The following TSC1 variants were observed in gnomAD, a reference collection of about 807,000 sequenced individuals.
TSC1 encodes the protein hamartin.
Under a neutral mutation model 124.3 loss-of-function variants are expected in TSC1, and 20 were observed. The observed-to-expected ratio is 0.16, with a 90% CI of 0.11 to 0.23. The LOEUF is 0.23. Among genes scored for constraint, TSC1 ranks in the 10% least tolerant of loss-of-function variants. The pLI, the probability that TSC1 is intolerant of heterozygous loss-of-function variation, is 1.00. For synonymous variants in TSC1, 493 were observed against 539.1 expected, an observed-to-expected ratio of 0.91 and a Z score of 1.19; for missense variants, 1,124 against 1,448.5, an observed-to-expected ratio of 0.78 and a Z score of 3.64.
chr9:132,896,180 C>CA lies in TSC1; in HGVS notation c.*54dup. 1.2e-6 allele frequency: 2 copies of CA among 1,612,012 alleles called. No homozygotes were observed. The highest frequency in any genetic ancestry group is 2.2e-5 in the South Asian group (2 of 90,946). On this transcript the variant is annotated 3_prime_UTR_variant, in exon 23 of 23. Transcript: ENST00000298552. The surrounding 1 kb of genome is among the most constrained non-coding windows in gnomAD (Gnocchi z 4.5). ...AGGAAAGCTTTGAAACGTGCATTCA[C>CA]ACCTCCTGTTCTGTGCCAACAATAT...
At chr9:132,934,789 G>T (rs1050067222) in intron 2 of TSC1, among the ~76,000 whole-genome samples, 6 of 152,210 alleles carry the variant, frequency 3.9e-5, no homozygotes, top group African/African-American at 1.2e-4. Context: ...CCTGTAAAAT[G>T]GGGAAACACC....
intron 5 of TSC1, among the ~76,000 whole-genome samples, chr9:132,925,274 T>C (rs1051659674): frequency 6.6e-6 from 1 of 152,194 alleles, no homozygotes; most frequent in Non-Finnish European, 1.5e-5. Context: ...TCCCAAAAGA[T>C]AATCCAGGAT....
intron 8 of TSC1, among the ~76,000 whole-genome samples, chr9:132,914,837 C>G (rs1311944724): frequency 6.6e-6 from 1 of 151,882 alleles, no homozygotes; most frequent in Admixed American, 6.6e-5. Context: ...CCACTGCACT[C>G]CAGCCTGAGC....
At chr9:132,938,470 T>C (rs1281823167) in intron 1 of TSC1, among the ~76,000 whole-genome samples, 1 of 152,256 alleles carries the variant, frequency 6.6e-6, no homozygotes, top group African/African-American at 2.4e-5. Context: ...TCTTTCTGAA[T>C]AAAATGTAGG....
Position 132,896,113 on chromosome 9 carries a change from G to T in TSC1, c.*122C>A. On this transcript the variant is annotated 3_prime_UTR_variant, in exon 23 of 23. Coordinates refer to ENST00000298552, the MANE Select transcript of TSC1 (RefSeq NM_000368.5). The surrounding 1 kb of genome is among the most constrained non-coding windows in gnomAD (Gnocchi z 4.5). ...TCAGTCAGCTGTCCAAAGGACCTCC[G>T]TCCCATTTCCACACATGAACTTGCA... is the stretch of plus-strand genomic sequence containing the variant. 2 of 1,455,432 alleles carry T rather than the reference G, an allele frequency of 1.4e-6. No individual in the cohort carries two copies. The highest frequency in any genetic ancestry group is 1.7e-5 in the Admixed American group (1 of 59,602). 90.2% of individuals were successfully genotyped at this position (1,455,432 alleles called of 1,614,324 possible). A position where few individuals can be genotyped will look rare whatever the true frequency, so the allele number is the denominator to read the frequency against.
In TSC1 at chr9:132,923,727, C is replaced by T; in HGVS notation, c.364-235G>A. The T allele has an allele frequency of 1.8e-6, 1 of 567,516 alleles. No homozygotes were observed. Among genetic ancestry groups the T allele is most frequent in the Non-Finnish European group, 3.1e-6 (1 of 323,748 alleles). The allele number at this position is 567,516 out of a possible 1,614,324, so 35.2% of individuals were successfully genotyped here. A position where few individuals can be genotyped will look rare whatever the true frequency, so the allele number is the denominator to read the frequency against. Reference sequence around the variant, plus strand: ...TCAGTGAGGACCATTTACAACACACCTATGCAAAGGCATCCGGGAGACGAG... The same window carrying T: ...TCAGTGAGGACCATTTACAACACACTTATGCAAAGGCATCCGGGAGACGAG... On this transcript the variant is annotated intron_variant, in intron 5 of 22. Transcript: ENST00000298552. The surrounding 1 kb of genome is among the most constrained non-coding windows in gnomAD (Gnocchi z 4.2).
At chr9:132,935,828 G>C (rs1847429625) in intron 1 of TSC1, among the ~76,000 whole-genome samples, 1 of 152,154 alleles carries the variant, frequency 6.6e-6, no homozygotes, top group South Asian at 2.1e-4. Flanking sequence ...TAAAATCTCA[G>C]CTTAAATGCT....
intron 20 of TSC1, chr9:132,900,465 T>C (rs1019403146): frequency 2.7e-4 from 138 of 510,324 alleles, no homozygotes; most frequent in African/African-American, 2.4e-3. Context: ...GGAAACACTT[T>C]ACACCTACTC....
chr9:132,898,156 G>A (rs1396571164), intron 20 of TSC1, among the ~76,000 whole-genome samples: 1 of 152,176 alleles, frequency 6.6e-6, no homozygotes, highest in African/African-American at 2.4e-5. Context: ...TGACAATAGC[G>A]CAGGTGAGGC....
intron 2 of TSC1, among the ~76,000 whole-genome samples, chr9:132,930,962 A>G (rs547218959): frequency 2.0e-5 from 3 of 152,348 alleles, no homozygotes; most frequent in African/African-American, 4.8e-5. Flanking sequence ...TTAGTATGGT[A>G]TCAGGTACAT....
In TSC1 at chr9:132,895,429, A is replaced by G. The variant is rs191614777; in HGVS notation, c.*806T>C. The G allele has an allele frequency of 3.3e-4, 76 of 233,556 alleles. No homozygotes were observed. The East Asian group carries it at 4.5e-3, about 14-fold the overall frequency. 14.5% of individuals were successfully genotyped at this position (233,556 alleles called of 1,614,324 possible). Reference sequence around the variant, plus strand: ...TCCCAGTGACTGCTCCTTCCCTCCTATGGAGAACAGGTTTTACCACCTACA... The same window carrying G: ...TCCCAGTGACTGCTCCTTCCCTCCTGTGGAGAACAGGTTTTACCACCTACA... On this transcript the variant is annotated 3_prime_UTR_variant, in exon 23 of 23. Transcript: ENST00000298552.
Position 132,907,332 on chromosome 9 carries a change from T to C in TSC1, c.1302A>G (p.Arg434=), listed in dbSNP as rs907840461. 7.4e-6 allele frequency: 12 copies of C among 1,614,084 alleles called. No individual in the cohort carries two copies. In the Admixed American group the frequency reaches 2.0e-4, roughly 27 times the overall value. ...CTCTGTCATTCAGAAGATGGTGTTG[T>C]CTGTGTAGACATGGTCTTGCAGAAT... ...RMDSARPCLH[R]QHHLLNDRGS... is the part of the protein sequence containing the mutation. Residue 434 remains arginine, a synonymous_variant, in exon 13 of 23, where the codon AGA becomes AGG. Transcript: ENST00000298552.
Position 132,923,267 on chromosome 9 carries a change from T to C in TSC1, c.508+81A>G. On this transcript the variant is annotated intron_variant, in intron 6 of 22. Transcript: ENST00000298552. This position sits in a 1 kb window ranked among gnomAD's most constrained non-coding sequence, Gnocchi z 4.2. ...CAGCTATAAAAGTCTACATGTCCAT[T>C]CCTTACAGCATATGAGCAATTAATC... 3.2e-6 allele frequency: 5 copies of C among 1,565,604 alleles called. No individual in the cohort carries two copies. The highest frequency in any genetic ancestry group is 4.3e-6 in the Non-Finnish European group (5 of 1,153,284).
In TSC1 at chr9:132,908,901, C is replaced by CTTTTTTTTTTTTTTTTTTTTTT. The variant is rs35234317; in HGVS notation, c.1264-1532_1264-1531insAAAAAAAAAAAAAAAAAAAAAA. Among the ~76,000 whole-genome samples, 99 of 121,496 alleles carry CTTTTTTTTTTTTTTTTTTTTTT rather than the reference C, an allele frequency of 8.1e-4. 5 individuals are homozygous for CTTTTTTTTTTTTTTTTTTTTTT. Among genetic ancestry groups the CTTTTTTTTTTTTTTTTTTTTTT allele is most frequent in the African/African-American group, 3.0e-3 (90 of 30,126 alleles). 79.7% of individuals were successfully genotyped at this position (121,496 alleles called of 152,430 possible). On this transcript the variant is annotated intron_variant, in intron 12 of 22. Coordinates refer to ENST00000298552, the MANE Select transcript of TSC1 (RefSeq NM_000368.5). ...TTAAAACCCACTAGTCTACCTTGCACTTTTTTTTTTTTTTTTTGTGACAGT... is the reference window on the plus strand; with the variant it reads ...TTAAAACCCACTAGTCTACCTTGCACTTTTTTTTTTTTTTTTTTTTTTTTTTTTTTTTTTTTTTTGTGACAGT...
rs1844884315 is a variant in TSC1, at chr9:132,893,676, A to G, written c.*2559T>C. On this transcript the variant is annotated 3_prime_UTR_variant, in exon 23 of 23. Transcript: ENST00000298552. ...CATTGGCCAAACAGCTGAGACAGGT[A>G]TGCTCACCCATAGTGATTTCTGGAT... 4.3e-6 allele frequency: 1 copy of G among 233,078 alleles called. No homozygotes were observed. Among genetic ancestry groups the G allele is most frequent in the Non-Finnish European group, 8.5e-6 (1 of 118,002 alleles). The allele number at this position is 233,078 out of a possible 1,614,324, so 14.4% of individuals were successfully genotyped here.
At chr9:132,936,957 A>G (rs1391491657) in intron 1 of TSC1, among the ~76,000 whole-genome samples, 1 of 152,250 alleles carries the variant, frequency 6.6e-6, no homozygotes, top group Non-Finnish European at 1.5e-5. Context: ...CTTGTTCCAG[A>G]TGACAGAGTA....
rs1588287932 is a variant in TSC1 at position 132,896,664 on chromosome 9, C to T, written c.3066G>A (p.Arg1022=). ...CACTACTGCCCCGGGCGCTGCTGGG[C>T]CTGGGGGTCTTGGTCTCACCGTTGT... The part of the protein sequence containing the change: ...SGHNGETKTP[R]PSSARGSSGS... Residue 1022 remains arginine, a synonymous_variant, in exon 23 of 23, where the codon AGG becomes AGA. Transcript: ENST00000298552. This position sits in a 1 kb window ranked among gnomAD's most constrained non-coding sequence, Gnocchi z 4.5. The T allele has an allele frequency of 6.2e-7, 1 of 1,614,044 alleles. No individual in the cohort carries two copies. Among genetic ancestry groups the T allele is most frequent in the Non-Finnish European group, 8.5e-7 (1 of 1,180,018 alleles).
rs752540347 is a variant in TSC1 at position 132,900,852 on chromosome 9, T to A, written c.2503-15A>T. ...CTGTTTGAGAGCTAACCAAAAAACATGAGCAAAGTGAAAAATCCGACGACA... is the reference window on the plus strand; with the variant it reads ...CTGTTTGAGAGCTAACCAAAAAACAAGAGCAAAGTGAAAAATCCGACGACA... On this transcript the variant is annotated splice_polypyrimidine_tract_variant and intron_variant, in intron 19 of 22. Transcript: ENST00000298552. 15 of 1,613,666 alleles carry A rather than the reference T, an allele frequency of 9.3e-6. No individual in the cohort carries two copies. In the South Asian group the frequency reaches 1.6e-4, roughly 18 times the overall value.
chr9:132,920,408 C>T (rs1013687377), intron 8 of TSC1, among the ~76,000 whole-genome samples: 10 of 152,172 alleles, frequency 6.6e-5, no homozygotes, highest in Non-Finnish European at 8.8e-5. Context: ...GGGTTCTCCA[C>T]GGGGAGCCTC....
Sources: gnomAD v4.1 joint callset for allele counts (sites outside exome capture counted in the v4.1 genomes callset) on GRCh38, gnomAD v4.1.1 for gene constraint, Gnocchi (gnomAD v3.1) non-coding constraint, MANE v1.5 for transcripts, NCBI Gene and HGNC (gene_info 2026-07-23, HGNC 2026-07-21) for gene names.